GRIK1: variants seen among roughly 807,000 people sequenced by gnomAD.
GRIK1 encodes the protein glutamate ionotropic receptor kainate type subunit 1, also known as glutamate receptor ionotropic, kainate 1.
Under a neutral mutation model 105.7 loss-of-function variants are expected in GRIK1, and 69 were observed. The observed-to-expected ratio is 0.65, with a 90% confidence interval of 0.54 to 0.80. The LOEUF (loss-of-function observed/expected upper bound fraction) is 0.80, where lower values mean the gene tolerates loss of function less well. GRIK1 is among the 30% of genes least tolerant of loss of function. The pLI, the probability that GRIK1 is intolerant of heterozygous loss-of-function variation, is 0.00. For synonymous variants in GRIK1, 438 were observed against 431.3 expected (o/e 1.02, Z -0.19); for missense variants, 1,109 against 1,167.3 (o/e 0.95, Z 0.73).
intron 12 of GRIK1, among the ~76,000 whole-genome samples, chr21:29,586,433 A>G (rs1285483964): frequency 6.6e-6 from 1 of 152,232 alleles, no homozygotes; most frequent in Non-Finnish European, 1.5e-5. Flanking sequence ...GTGGACAATG[A>G]CAAAGAGCTA....
At chr21:29,813,713 A>G (rs2067073712) in intron 1 of GRIK1, among the ~76,000 whole-genome samples, 1 of 152,066 alleles carries the variant, frequency 6.6e-6, no homozygotes, top group Non-Finnish European at 1.5e-5. Context: ...TCCTTCCTGG[A>G]GCACAAATGC....
At chr21:29,857,941 C>G (rs2068512304) in intron 1 of GRIK1, among the ~76,000 whole-genome samples, 1 of 152,104 alleles carries the variant, frequency 6.6e-6, no homozygotes, top group Non-Finnish European at 1.5e-5. Flanking sequence ...GCTCTGTTGC[C>G]CAGTCTGGAG....
intron 9 of GRIK1, among the ~76,000 whole-genome samples, chr21:29,592,868 G>T (rs551717786): frequency 6.6e-6 from 1 of 152,204 alleles, no homozygotes; most frequent in Non-Finnish European, 1.5e-5. Flanking sequence ...ACAAGTGGCA[G>T]TTTAGGAACA....
intron 14 of GRIK1, among the ~76,000 whole-genome samples, chr21:29,568,726 G>A (rs1247279389): frequency 1.3e-5 from 2 of 152,180 alleles, no homozygotes; most frequent in Non-Finnish European, 2.9e-5. Flanking sequence ...ACTACTTCCT[G>A]TCTGCACAAT....
chr21:29,802,845 C>T (rs111608239), intron 1 of GRIK1, among the ~76,000 whole-genome samples: 6,502 of 152,194 alleles, frequency 0.043, 199 homozygotes, highest in Non-Finnish European at 0.066. Flanking sequence ...GAATTTGATC[C>T]CGGATCTTCC....
chr21:29,675,370 GA>G (rs916787892), intron 3 of GRIK1, among the ~76,000 whole-genome samples: 3 of 151,136 alleles, frequency 2.0e-5, no homozygotes, highest in African/African-American at 4.8e-5. Context: ...CAATCACATA[GA>G]TTTTTTTTTT....
chr21:29,678,776 T>C (rs932704538), intron 3 of GRIK1, among the ~76,000 whole-genome samples: 3 of 152,194 alleles, frequency 2.0e-5, no homozygotes, highest in African/African-American at 7.2e-5. Flanking sequence ...GTGGTCATAA[T>C]GACACAGTGG....
At chr21:29,588,785 C>G (rs530435467) in intron 11 of GRIK1, 54 bp downstream of exon 11, 11 of 945,550 alleles carry the variant, frequency 1.2e-5, no homozygotes, top group Admixed American at 2.2e-5. Context: ...ATTTTTTCCT[C>G]TCTTACTTTC....
At chr21:29,885,450 A>G (rs962837850) in intron 1 of GRIK1, among the ~76,000 whole-genome samples, 2 of 152,112 alleles carry the variant, frequency 1.3e-5, no homozygotes, top group African/African-American at 4.8e-5. Flanking sequence ...ATCTGCAAAA[A>G]AATCTTGTGA....
chr21:29,841,212 G>A (rs747697781), intron 1 of GRIK1, among the ~76,000 whole-genome samples: 9 of 152,070 alleles, frequency 5.9e-5, no homozygotes, highest in African/African-American at 1.2e-4. Context: ...CTTTCCCACT[G>A]TCAATAGAAA....
chr21:29,713,585 C>A lies in GRIK1; in HGVS notation c.119-19522G>T, dbSNP rs564653492. Among the ~76,000 whole-genome samples, 6 of 152,078 alleles carry A rather than the reference C, an allele frequency of 3.9e-5. No homozygotes were observed. In the East Asian group the frequency reaches 1.2e-3, roughly 29 times the overall value. On this transcript the variant is annotated intron_variant, in intron 1 of 17. Coordinates refer to ENST00000327783, the MANE Select transcript of GRIK1 (RefSeq NM_001330994.2). ...GACCATAAATACATTAATAAATATG[C>A]CATAATAAAATAAACTCTAATTGTG...
At chr21:29,656,499 G>C (rs958111353) in intron 4 of GRIK1, among the ~76,000 whole-genome samples, 1 of 147,744 alleles carries the variant, frequency 6.8e-6, no homozygotes, top group Non-Finnish European at 1.5e-5. Flanking sequence ...TTATATCAAA[G>C]ACTCTTAGAC....
At chr21:29,732,389 C>T (rs769846366) in intron 1 of GRIK1, among the ~76,000 whole-genome samples, 1 of 152,180 alleles carries the variant, frequency 6.6e-6, no homozygotes, top group Non-Finnish European at 1.5e-5. Flanking sequence ...TTTTCCCCAA[C>T]CACTGGCGCT....
chr21:29,686,288 G>C (rs527658984), intron 3 of GRIK1, among the ~76,000 whole-genome samples: 40 of 152,300 alleles, frequency 2.6e-4, no homozygotes, highest in African/African-American at 9.4e-4. Flanking sequence ...AAAGGTATCT[G>C]TTCCCCCAAC....
intron 1 of GRIK1, among the ~76,000 whole-genome samples, chr21:29,903,120 C>T (rs1341167364): frequency 6.6e-6 from 1 of 152,136 alleles, no homozygotes; most frequent in Non-Finnish European, 1.5e-5. Context: ...ACACCTTATG[C>T]AAAAATTAAC....
At chr21:29,803,289 A>G (rs939837253) in intron 1 of GRIK1, among the ~76,000 whole-genome samples, 1 of 152,194 alleles carries the variant, frequency 6.6e-6, no homozygotes, top group Non-Finnish European at 1.5e-5. Flanking sequence ...CAAATGCCAT[A>G]GTTATGGTTG....
intron 7 of GRIK1, among the ~76,000 whole-genome samples, chr21:29,632,945 C>A (rs575974442): frequency 6.6e-6 from 1 of 152,316 alleles, no homozygotes; most frequent in South Asian, 2.1e-4. Context: ...GGTTCAAAGG[C>A]TTTTGTCTCC....
intron 1 of GRIK1, among the ~76,000 whole-genome samples, chr21:29,861,309 C>CTTT (rs71191129): frequency 1.3e-5 from 2 of 150,596 alleles, no homozygotes; most frequent in Non-Finnish European, 3.0e-5. Context: ...TGTACTTACT[C>CTTT]TTTTTTTTTC....
At chr21:29,688,415 A>C (rs781494913) in intron 3 of GRIK1, among the ~76,000 whole-genome samples, 6 of 152,218 alleles carry the variant, frequency 3.9e-5, no homozygotes, top group Non-Finnish European at 8.8e-5. Context: ...GCGAAACCGT[A>C]TTGCAAAGTT....
Sources: gnomAD v4.1 joint callset for allele counts (sites outside exome capture counted in the v4.1 genomes callset) on GRCh38, gnomAD v4.1.1 for gene constraint, MANE v1.5 for transcripts, NCBI Gene and HGNC (gene_info 2026-07-23, HGNC 2026-07-21) for gene names.